ZNF160: variants seen among roughly 807,000 people sequenced by gnomAD.
The protein encoded by ZNF160 is KRAB zinc finger protein KR18.
A neutral mutation model predicts 13.1 loss-of-function variants in ZNF160; 9 were observed. That is an observed-to-expected ratio of 0.69 (90% CI 0.41 to 1.20). The LOEUF (loss-of-function observed/expected upper bound fraction) is 1.20. Among genes scored for constraint, ZNF160 ranks in the 50% most tolerant of loss-of-function variants. The pLI is 0.01. For missense variants in ZNF160, 838 were observed against 988.0 expected (o/e 0.85, Z 2.04); for synonymous variants, 293 against 333.2 (o/e 0.88, Z 1.31).
At chr19:53,083,531 AG>A (rs2084714127) in intron 3 of ZNF160, among the ~76,000 whole-genome samples, 1 of 152,250 alleles carries the variant, frequency 6.6e-6, no homozygotes, top group Non-Finnish European at 1.5e-5. Context: ...TAATTGAGAA[AG>A]GGGTAAGCAA....
chr19:53,071,539 CA>C (rs56799856), intron 5 of ZNF160, among the ~76,000 whole-genome samples: 958 of 58,754 alleles, frequency 0.016, 7 homozygotes, highest in African/African-American at 0.028. Context: ...TCCGTCTCAT[CA>C]AAAAAAAAAA....
Position 53,067,881 on chromosome 19 carries a change from C to T in ZNF160, c.*196G>A. 1 of 615,318 alleles carries T rather than the reference C, an allele frequency of 1.6e-6. No individual in the cohort carries two copies. Among genetic ancestry groups the T allele is most frequent in the Non-Finnish European group, 2.6e-6 (1 of 385,276 alleles). 38.1% of individuals were successfully genotyped at this position (615,318 alleles called of 1,614,324 possible). A position where few individuals can be genotyped will look rare whatever the true frequency, so the allele number is the denominator to read the frequency against. ...TTCATCAAAGATATAAATCTTGATG[C>T]CTAGTAACCTGCGAGGCCTGGATAG... On this transcript the variant is annotated 3_prime_UTR_variant, in exon 6 of 6. Coordinates refer to ENST00000683776, the MANE Select transcript of ZNF160 (RefSeq NM_001322131.2).
At chr19:53,094,818 G>GC (rs1427909484) in intron 1 of ZNF160, among the ~76,000 whole-genome samples, 1 of 152,168 alleles carries the variant, frequency 6.6e-6, no homozygotes, top group Non-Finnish European at 1.5e-5. Context: ...TTTTAGCAGT[G>GC]CAATGCTGTT....
intron 3 of ZNF160, among the ~76,000 whole-genome samples, chr19:53,083,369 CA>C (rs1267750950): frequency 6.6e-6 from 1 of 152,108 alleles, no homozygotes; most frequent in Non-Finnish European, 1.5e-5. Flanking sequence ...TGCAAAAAGA[CA>C]ACACTTAGGA....
rs1258414234 is a variant in ZNF160 at position 53,066,910 on chromosome 19, T to A, written c.*1167A>T. ...CACTCTCCTGCCTCAGCCTCCCAAG[T>A]AGCTGGGATTACAGGCACCTGCCAC... On this transcript the variant is annotated 3_prime_UTR_variant, in exon 6 of 6. Transcript: ENST00000683776. 6.6e-6 allele frequency: 1 copy of A among 152,070 alleles called. No individual in the cohort carries two copies. Among genetic ancestry groups the A allele is most frequent in the Non-Finnish European group, 1.5e-5 (1 of 68,052 alleles). 9.4% of individuals were successfully genotyped at this position (152,070 alleles called of 1,614,324 possible). A position where few individuals can be genotyped will look rare whatever the true frequency, so the allele number is the denominator to read the frequency against.
At chr19:53,076,311 C>T (rs532330495) in intron 3 of ZNF160, among the ~76,000 whole-genome samples, 36 of 152,270 alleles carry the variant, frequency 2.4e-4, no homozygotes, top group Non-Finnish European at 2.9e-4. Flanking sequence ...TATTCAATAA[C>T]TACATGAACT....
Position 53,101,445 on chromosome 19 carries a change from TATATG to T in ZNF160, c.-354+1815_-354+1819del, listed in dbSNP as rs1473265825. Among the ~76,000 whole-genome samples, 5 of 150,664 alleles carry T rather than the reference TATATG, an allele frequency of 3.3e-5. No individual in the cohort carries two copies. In the South Asian group the frequency reaches 6.2e-4, roughly 19 times the overall value. ...GAAAATATATATATTATTTAATATGTATATGATATATTAACTATATATGGAATTCT... is the reference window on the plus strand; with the variant it reads ...GAAAATATATATATTATTTAATATGTATATATTAACTATATATGGAATTCT... On this transcript the variant is annotated intron_variant, in intron 1 of 5. Coordinates refer to ENST00000683776, the MANE Select transcript of ZNF160 (RefSeq NM_001322131.2).
chr19:53,098,239 G>A (rs563667171), intron 1 of ZNF160, among the ~76,000 whole-genome samples: 8 of 152,226 alleles, frequency 5.3e-5, no homozygotes, highest in African/African-American at 1.4e-4. Context: ...TGTGGGCCAG[G>A]TGCATGCAGC....
rs938175761 is a variant in ZNF160 at position 53,086,331 on chromosome 19, C to T, written c.-45-10G>A. 87 of 1,555,734 alleles carry T rather than the reference C, an allele frequency of 5.6e-5. 1 individual carries two copies. Among genetic ancestry groups the T allele is most frequent in the South Asian group, 2.4e-4 (19 of 80,726 alleles). On this transcript the variant is annotated splice_polypyrimidine_tract_variant and intron_variant, in intron 2 of 5. Coordinates refer to ENST00000683776, the MANE Select transcript of ZNF160 (RefSeq NM_001322131.2). ...TCTTCCAGACTTCTTCCTTGGGTAA[C>T]ATAAAAGAGTCTTTAGAAGTCAATA...
chr19:53,092,535 A>C (rs770705915), intron 1 of ZNF160, among the ~76,000 whole-genome samples: 3 of 152,156 alleles, frequency 2.0e-5, no homozygotes, highest in Non-Finnish European at 4.4e-5. Flanking sequence ...GGTGGTCTCA[A>C]ACTCCTGACC....
At chr19:53,072,908 A>G in intron 5 of ZNF160, 1 of 792,256 alleles carries the variant, frequency 1.3e-6, no homozygotes, top group Non-Finnish European at 1.5e-6. Context: ...AGAAAGAAGC[A>G]TTTTTATTTA....
At chr19:53,085,223 C>T (rs1462969908) in intron 3 of ZNF160, 1 of 985,360 alleles carries the variant, frequency 1.0e-6, no homozygotes, top group Non-Finnish European at 1.2e-6. Context: ...TGTTTCCTAA[C>T]ACGAAAACAT....
chr19:53,091,917 G>A (rs1008394138), intron 1 of ZNF160, among the ~76,000 whole-genome samples, 197 bp from the exon 2 acceptor site: 2 of 152,200 alleles, frequency 1.3e-5, no homozygotes, highest in Non-Finnish European at 2.9e-5. Context: ...TAAGGCCTAG[G>A]TATTGGTTAG....
Position 53,069,835 on chromosome 19 carries a change from T to C in ZNF160, c.699A>G (p.Lys233=), listed in dbSNP as rs1022699350. 5 of 1,614,050 alleles carry C rather than the reference T, an allele frequency of 3.1e-6. No individual in the cohort carries two copies. In the African/African-American group the frequency reaches 6.7e-5, roughly 22 times the overall value. Residue 233 remains lysine (K), a synonymous_variant, in exon 6 of 6, where the codon AAA becomes AAG. Transcript: ENST00000683776. The surrounding 1 kb of genome is among the most constrained non-coding windows in gnomAD (Gnocchi z 4.4). ...AAAAATGGTTAAGTTCATGATATTT[T>C]TTAGACCTGTGGGTTTGGACACTAG... ...IPSSVQTHRS[K]KYHELNHFSL...
intron 5 of ZNF160, chr19:53,073,153 C>A: frequency 7.3e-7 from 1 of 1,371,958 alleles, no homozygotes; most frequent in Non-Finnish European, 9.5e-7. Context: ...CCTGTGGTAA[C>A]CCACATTCTA....
chr19:53,096,428 G>A (rs562444447), intron 1 of ZNF160, among the ~76,000 whole-genome samples: 4 of 151,764 alleles, frequency 2.6e-5, no homozygotes, highest in Admixed American at 2.0e-4. Context: ...GGAAGGGCAA[G>A]CGCAAGTCCA....
intron 3 of ZNF160, among the ~76,000 whole-genome samples, chr19:53,077,571 G>A (rs1204709840): frequency 6.6e-6 from 1 of 150,648 alleles, no homozygotes; most frequent in African/African-American, 2.4e-5. Flanking sequence ...TCAGGAGGCT[G>A]AGACAGAGAA....
chr19:53,076,699 A>G (rs903085994), intron 3 of ZNF160, among the ~76,000 whole-genome samples: 1 of 152,188 alleles, frequency 6.6e-6, no homozygotes, highest in Non-Finnish European at 1.5e-5. Context: ...GGAAGTCCCA[A>G]GCACTACCCA....
chr19:53,072,560 A>G (rs2084218979), intron 5 of ZNF160, among the ~76,000 whole-genome samples: 1 of 152,232 alleles, frequency 6.6e-6, no homozygotes, highest in Admixed American at 6.5e-5. Context: ...AACTTAAAAA[A>G]AAAATTATTG....
Sources: gnomAD v4.1 joint callset for allele counts (sites outside exome capture counted in the v4.1 genomes callset) on GRCh38, gnomAD v4.1.1 for gene constraint, Gnocchi (gnomAD v3.1) non-coding constraint, MANE v1.5 for transcripts, NCBI Gene and HGNC (gene_info 2026-07-23, HGNC 2026-07-21) for gene names.